PRELID2: variants seen among roughly 807,000 people sequenced by gnomAD.
PRELID2 encodes PRELI domain-containing protein 2.
Under a neutral mutation model 28.4 loss-of-function variants are expected in PRELID2, and 25 were observed. That is an observed-to-expected ratio of 0.88 (90% CI 0.64 to 1.23). The LOEUF (loss-of-function observed/expected upper bound fraction) is 1.23, where lower values mean the gene tolerates loss of function less well. Ranked by LOEUF, PRELID2 falls within the 50% of genes most tolerant of loss-of-function variation. PRELID2 has a pLI of 0.00. For synonymous variants in PRELID2, 76 were observed against 71.6 expected, an observed-to-expected ratio of 1.06 and a Z score of -0.31; for missense variants, 201 against 214.4, an observed-to-expected ratio of 0.94 and a Z score of 0.39.
At chr5:145,826,223 G>C (rs1755183475) in intron 1 of PRELID2, 1 of 962,882 alleles carries the variant, frequency 1.0e-6, no homozygotes, top group Non-Finnish European at 1.2e-6. Context: ...AATATACAGA[G>C]TATTTCTGCT....
At chr5:145,411,797 G>T in the PRELID2 span, among the ~76,000 whole-genome samples, 1 of 152,178 alleles carries the variant, frequency 6.6e-6, no homozygotes, top group South Asian at 2.1e-4. Flanking sequence ...CTTTGGCCTG[G>T]ACATCTAGAC....
At chr5:145,337,962 T>C in the PRELID2 span, 4 of 151,960 alleles carry the variant, frequency 2.6e-5, no homozygotes, top group Non-Finnish European at 4.4e-5. Flanking sequence ...TTATTTAATT[T>C]TGTTTGTCAA....
the PRELID2 span, chr5:145,429,973 C>T: frequency 3.3e-5 from 5 of 152,500 alleles, no homozygotes; most frequent in African/African-American, 1.2e-4. Context: ...ATCCCAGCAG[C>T]TGAACACAGA....
chr5:145,252,136 A>G, the PRELID2 span, among the ~76,000 whole-genome samples: 1 of 152,158 alleles, frequency 6.6e-6, no homozygotes. Context: ...GGAGCTTGTT[A>G]CATATGCTGA....
chr5:145,351,007 T>C, the PRELID2 span, among the ~76,000 whole-genome samples: 2 of 151,892 alleles, frequency 1.3e-5, no homozygotes, highest in Non-Finnish European at 2.9e-5. Context: ...GAGATAAATA[T>C]TTGGGATATT....
At chr5:145,243,519 T>A in the PRELID2 span, among the ~76,000 whole-genome samples, 1 of 152,078 alleles carries the variant, frequency 6.6e-6, no homozygotes, top group Non-Finnish European at 1.5e-5. Context: ...TTTGTTTTGA[T>A]GTTTTGGCAG....
chr5:145,349,565 C>A, the PRELID2 span, among the ~76,000 whole-genome samples: 1 of 151,984 alleles, frequency 6.6e-6, no homozygotes, highest in Non-Finnish European at 1.5e-5. Flanking sequence ...ACTCATACAG[C>A]AAATCTCAAA....
At chr5:145,523,301 A>C (rs1752579204) in intron 1 of PRELID2, among the ~76,000 whole-genome samples, 1 of 152,206 alleles carries the variant, frequency 6.6e-6, no homozygotes, top group African/African-American at 2.4e-5. Flanking sequence ...TACAACATGT[A>C]ATTTTAAATA....
At chr5:145,563,560 G>T (rs988811255) in intron 1 of PRELID2, among the ~76,000 whole-genome samples, 6 of 152,196 alleles carry the variant, frequency 3.9e-5, no homozygotes, top group African/African-American at 1.4e-4. Flanking sequence ...GCTTATGGTT[G>T]CACAGTAACC....
intron 1 of PRELID2, among the ~76,000 whole-genome samples, chr5:145,604,748 G>GTTT (rs377653737): frequency 2.8e-5 from 3 of 108,972 alleles, no homozygotes; most frequent in Non-Finnish European, 4.0e-5. Context: ...GTTTTTTTTG[G>GTTT]TTTTTTTTTT....
At chr5:145,381,420 A>G in the PRELID2 span, among the ~76,000 whole-genome samples, 5 of 152,186 alleles carry the variant, frequency 3.3e-5, no homozygotes, top group East Asian at 9.6e-4. Context: ...TTTTGTTATT[A>G]CTTTTAATGG....
the PRELID2 span, among the ~76,000 whole-genome samples, chr5:145,281,337 A>G: frequency 6.6e-6 from 1 of 152,288 alleles, no homozygotes; most frequent in East Asian, 1.9e-4. Flanking sequence ...TAATCTATAA[A>G]TGGAGAAGTA....
chr5:145,481,805 G>T (rs1181688674), intron 1 of PRELID2, among the ~76,000 whole-genome samples: 3 of 151,960 alleles, frequency 2.0e-5, no homozygotes, highest in African/African-American at 4.8e-5. Flanking sequence ...GTCTAGGAAA[G>T]GTTTAACTAT....
chr5:145,603,197 C>T (rs1271424002), intron 1 of PRELID2, among the ~76,000 whole-genome samples: 1 of 149,866 alleles, frequency 6.7e-6, no homozygotes, highest in Non-Finnish European at 1.5e-5. Flanking sequence ...GCGAATTTTA[C>T]AGAACTGATG....
chr5:145,414,330 C>G, the PRELID2 span, among the ~76,000 whole-genome samples: 10 of 152,306 alleles, frequency 6.6e-5, no homozygotes, highest in Admixed American at 5.9e-4. Flanking sequence ...ATTGGCTGCT[C>G]TTGTTGTAGC....
At position 145,623,769 on chromosome 5, in the gene PRELID2, A is replaced by T. The variant is rs148423091; in HGVS notation, n.70+141162T>A. Among the ~76,000 whole-genome samples the T allele has an allele frequency of 1.9e-3, 291 of 152,326 alleles. 2 individuals carry two copies. Among genetic ancestry groups the T allele is most frequent in the African/African-American group, 6.7e-3 (280 of 41,570 alleles). ...ATAAGGATCTGAACTCTTTTTGCTCATACTTCTGACACCAAATGCATACAG... is the reference window on the plus strand; with the variant it reads ...ATAAGGATCTGAACTCTTTTTGCTCTTACTTCTGACACCAAATGCATACAG... On this transcript the variant is annotated intron_variant and non_coding_transcript_variant, in intron 1 of 2. Transcript: ENST00000510259.
intron 5 of PRELID2, among the ~76,000 whole-genome samples, chr5:145,768,817 T>C (rs956181498): frequency 1.3e-4 from 20 of 152,194 alleles, no homozygotes; most frequent in Admixed American, 4.6e-4. Flanking sequence ...AGGGTGACAG[T>C]TGATTTTTCT....
chr5:145,745,323 C>T (rs547072940), intron 1 of PRELID2, among the ~76,000 whole-genome samples: 3 of 152,268 alleles, frequency 2.0e-5, no homozygotes, highest in South Asian at 2.1e-4. Flanking sequence ...CCCAACCTAG[C>T]AAGACAGGCC....
chr5:145,595,161 G>GACACAC (rs3038287), intron 1 of PRELID2, among the ~76,000 whole-genome samples: 1,768 of 131,174 alleles, frequency 0.013, 24 homozygotes, highest in East Asian at 0.056. Context: ...AGTCATAATA[G>GACACAC]ACACACACAC....
Sources: gnomAD v4.1 joint callset for allele counts (sites outside exome capture counted in the v4.1 genomes callset) on GRCh38, gnomAD v4.1.1 for gene constraint, MANE v1.5 for transcripts, NCBI Gene and HGNC (gene_info 2026-07-23, HGNC 2026-07-21) for gene names.